Variants in ASIC2 observed in about 807,000 individuals in gnomAD.
The protein encoded by ASIC2 is acid-sensing ion channel 2.
In ASIC2, 25 loss-of-function variants were observed where a neutral mutation model predicts 57.3. The ratio of observed to expected loss-of-function variants is 0.44; its 90% CI spans 0.32 to 0.61. The LOEUF is 0.61. Among genes scored for constraint, ASIC2 ranks in the 20% least tolerant of loss-of-function variants. The pLI, the probability that ASIC2 is intolerant of heterozygous loss-of-function variation, is 0.06. For missense variants in ASIC2, 641 were observed against 738.1 expected, an observed-to-expected ratio of 0.87 and a Z score of 1.52; for synonymous variants, 319 against 307.5, an observed-to-expected ratio of 1.04 and a Z score of -0.39.
intron 1 of ASIC2, among the ~76,000 whole-genome samples, chr17:33,854,847 G>C (rs1431152931): frequency 1.3e-5 from 2 of 152,104 alleles, no homozygotes; most frequent in Non-Finnish European, 2.9e-5. Context: ...TGTGGGTGGT[G>C]TGTGTTAGCT....
intron 1 of ASIC2, among the ~76,000 whole-genome samples, chr17:33,795,856 C>T (rs1310799546): frequency 2.0e-5 from 3 of 152,226 alleles, no homozygotes; most frequent in Admixed American, 2.0e-4. Context: ...GGGGCCAGAA[C>T]TTATCCAGGT....
intron 1 of ASIC2, among the ~76,000 whole-genome samples, chr17:33,741,282 T>C (rs1306618224): frequency 6.6e-6 from 1 of 152,234 alleles, no homozygotes; most frequent in Non-Finnish European, 1.5e-5. Context: ...GATTTTTAGT[T>C]CCTCTTCTGA....
intron 1 of ASIC2, among the ~76,000 whole-genome samples, chr17:33,653,955 T>C (rs1047477565): frequency 7.9e-5 from 12 of 152,230 alleles, no homozygotes; most frequent in Admixed American, 1.3e-4. Flanking sequence ...AAACATTATA[T>C]TCTTTTTGCA....
intron 1 of ASIC2, among the ~76,000 whole-genome samples, chr17:33,139,224 G>T (rs552540607): frequency 2.0e-5 from 3 of 152,206 alleles, no homozygotes; most frequent in Non-Finnish European, 2.9e-5. Flanking sequence ...ATATGCTGGG[G>T]ACAGACTCTT....
chr17:33,824,313 G>A (rs895020874), intron 1 of ASIC2, among the ~76,000 whole-genome samples: 1 of 152,152 alleles, frequency 6.6e-6, no homozygotes, highest in Middle Eastern at 3.2e-3. Context: ...AAGATACATT[G>A]TGAAGAAGGA....
At chr17:33,064,345 C>A (rs9893171) in intron 3 of ASIC2, among the ~76,000 whole-genome samples, 2,395 of 152,232 alleles carry the variant, frequency 0.016, 48 homozygotes, top group African/African-American at 0.053. Context: ...TTTGGTGTGG[C>A]TGTCCTTTCT....
intron 3 of ASIC2, among the ~76,000 whole-genome samples, chr17:33,074,160 G>T (rs1252060565): frequency 6.6e-6 from 1 of 152,198 alleles, no homozygotes; most frequent in African/African-American, 2.4e-5. Context: ...TGCAAGGAAA[G>T]ATACCAAAAG....
At chr17:33,415,627 A>C (rs1910816548) in intron 1 of ASIC2, among the ~76,000 whole-genome samples, 1 of 152,112 alleles carries the variant, frequency 6.6e-6, no homozygotes, top group South Asian at 2.1e-4. Context: ...TGCTGGGAAC[A>C]TCCGGGGCCT....
chr17:33,076,000 A>G (rs547525381), intron 3 of ASIC2, among the ~76,000 whole-genome samples: 1 of 152,166 alleles, frequency 6.6e-6, no homozygotes, highest in East Asian at 1.9e-4. Flanking sequence ...AATTCAAATT[A>G]ATTGAATCTC....
At chr17:33,320,002 C>A (rs1906807246) in intron 1 of ASIC2, among the ~76,000 whole-genome samples, 1 of 152,114 alleles carries the variant, frequency 6.6e-6, no homozygotes, top group Non-Finnish European at 1.5e-5. Flanking sequence ...AACTCAGGGC[C>A]TCCAGAGGAA....
chr17:33,409,954 A>C (rs934755194), intron 1 of ASIC2, among the ~76,000 whole-genome samples: 3 of 152,110 alleles, frequency 2.0e-5, no homozygotes, highest in African/African-American at 7.2e-5. Context: ...ACCAGTACAA[A>C]CCAGCTCAGG....
chr17:33,941,122 G>A (rs1294145933), intron 1 of ASIC2, among the ~76,000 whole-genome samples: 1 of 152,204 alleles, frequency 6.6e-6, no homozygotes, highest in African/African-American at 2.4e-5. Flanking sequence ...GACCAGTTAG[G>A]AGTCTAAGTG....
chr17:34,097,104 GA>G (rs912572647), intron 1 of ASIC2, among the ~76,000 whole-genome samples: 58 of 152,206 alleles, frequency 3.8e-4, no homozygotes, highest in African/African-American at 1.3e-3. Context: ...CAGCATGGAA[GA>G]AAATGTGATC....
chr17:34,143,143 C>T (rs1163508901), intron 1 of ASIC2: 2 of 152,082 alleles, frequency 1.3e-5, no homozygotes, highest in African/African-American at 2.4e-5. Context: ...TCAGCTCAGC[C>T]CTGCACAAAA....
intron 1 of ASIC2, among the ~76,000 whole-genome samples, chr17:33,367,549 C>T (rs1908860942): frequency 1.3e-5 from 2 of 152,224 alleles, no homozygotes; most frequent in Admixed American, 6.5e-5. Flanking sequence ...GTCTGCCTCC[C>T]CATGGGGGCT....
intron 1 of ASIC2, among the ~76,000 whole-genome samples, chr17:34,148,176 C>T (rs1904367451): frequency 6.6e-6 from 1 of 152,188 alleles, no homozygotes; most frequent in Non-Finnish European, 1.5e-5. Context: ...GAAAGAGACA[C>T]AGACATGCAC....
chr17:33,020,665 T>C (rs1267141701), intron 7 of ASIC2, among the ~76,000 whole-genome samples: 1 of 152,212 alleles, frequency 6.6e-6, no homozygotes. Context: ...AGCAGGTTTG[T>C]AGATACCTGG....
At chr17:34,016,769 T>C (rs1260741597) in intron 1 of ASIC2, among the ~76,000 whole-genome samples, 2 of 152,232 alleles carry the variant, frequency 1.3e-5, no homozygotes, top group Admixed American at 6.5e-5. Context: ...TTTTCTACCC[T>C]CCTGCAGTGT....
At chr17:33,339,355 A>G (rs1465264959) in intron 1 of ASIC2, among the ~76,000 whole-genome samples, 2 of 152,054 alleles carry the variant, frequency 1.3e-5, no homozygotes, top group African/African-American at 4.8e-5. Context: ...CATATGTTCT[A>G]CTCAACTCTC....
Sources: gnomAD v4.1 joint callset for allele counts (sites outside exome capture counted in the v4.1 genomes callset) on GRCh38, gnomAD v4.1.1 for gene constraint, MANE v1.5 for transcripts, NCBI Gene and HGNC (gene_info 2026-07-23, HGNC 2026-07-21) for gene names.